The following NDRG1 variants were observed in gnomAD, a reference collection of about 807,000 sequenced individuals.
NDRG1 encodes the protein N-myc downstream regulated 1.
In NDRG1, 32 loss-of-function variants were observed where a neutral mutation model predicts 56.9. The ratio of observed to expected loss-of-function variants is 0.56; its 90% CI spans 0.42 to 0.76. The LOEUF is 0.76. Among genes scored for constraint, NDRG1 ranks in the 30% least tolerant of loss-of-function variants. The probability of loss-of-function intolerance (pLI) is 0.00; values close to 1 mark genes in which losing one functional copy is unlikely to be tolerated. For missense variants in NDRG1, 507 were observed against 545.7 expected, an observed-to-expected ratio of 0.93 and a Z score of 0.71; for synonymous variants, 211 against 204.1, an observed-to-expected ratio of 1.03 and a Z score of -0.29.
chr8:133,239,271 C>G (rs1855249816), intron 15 of NDRG1, 152 bp from the exon 16 acceptor site: 8 of 1,231,012 alleles, frequency 6.5e-6, no homozygotes, highest in African/African-American at 1.5e-5. Context: ...CCCGTCCTCT[C>G]CATGTCCACT....
At chr8:133,273,575 C>T (rs565111781) in intron 3 of NDRG1, among the ~76,000 whole-genome samples, 4 of 152,294 alleles carry the variant, frequency 2.6e-5, no homozygotes, top group African/African-American at 4.8e-5. Context: ...CGGTTTCTGA[C>T]GTACAGCAGA....
At chr8:133,281,962 G>A (rs1857832019) in intron 2 of NDRG1, among the ~76,000 whole-genome samples, 2 of 152,136 alleles carry the variant, frequency 1.3e-5, no homozygotes, top group South Asian at 4.1e-4. Context: ...CTAGATTGAG[G>A]ACAGACACAA....
At chr8:133,244,562 G>A in intron 13 of NDRG1, 172 bp from the exon 14 acceptor site, 1 of 733,068 alleles carries the variant, frequency 1.4e-6, no homozygotes, top group Non-Finnish European at 2.4e-6. Context: ...GCCCCACCAG[G>A]CAAGGCTGCT....
At chr8:133,288,425 TCTC>T (rs1474035860) in intron 1 of NDRG1, 4 of 152,204 alleles carry the variant, frequency 2.6e-5, no homozygotes, top group Non-Finnish European at 5.9e-5. Context: ...GTGTCTGTGA[TCTC>T]CTTCTGCCAG....
rs1855112922 is a variant in NDRG1, at chr8:133,237,400, A to T, written c.*1478T>A. The T allele has an allele frequency of 4.3e-6, 1 of 232,174 alleles. No homozygotes were observed. Among genetic ancestry groups the T allele is most frequent in the African/African-American group, 2.2e-5 (1 of 45,266 alleles). 14.4% of individuals were successfully genotyped at this position (232,174 alleles called of 1,614,324 possible). ...GAAGGCTGGACTACTTCCTCCTCCCAACTGCGGGGTCCCAGAAATCCTCGG... is the reference window on the plus strand; with the variant it reads ...GAAGGCTGGACTACTTCCTCCTCCCTACTGCGGGGTCCCAGAAATCCTCGG... On this transcript the variant is annotated 3_prime_UTR_variant, in exon 16 of 16. Transcript: ENST00000323851.
intron 15 of NDRG1, 131 bp downstream of exon 15, chr8:133,241,891 AC>A: frequency 9.7e-7 from 1 of 1,036,012 alleles, no homozygotes; most frequent in South Asian, 1.3e-5. Context: ...CACACACCTA[AC>A]TGTTTCCTCC....
chr8:133,260,639 T>A (rs1317833302), intron 5 of NDRG1, among the ~76,000 whole-genome samples: 2 of 152,244 alleles, frequency 1.3e-5, no homozygotes, highest in African/African-American at 2.4e-5. Flanking sequence ...CTTTATCTGC[T>A]GGTTAACAAT....
intron 1 of NDRG1, among the ~76,000 whole-genome samples, chr8:133,295,552 C>T (rs1341602602): frequency 3.9e-5 from 6 of 152,254 alleles, no homozygotes; most frequent in African/African-American, 9.6e-5. Flanking sequence ...GAAGGCAGCC[C>T]TTCCAAGAAA....
At chr8:133,273,491 T>C (rs1586468934) in intron 3 of NDRG1, among the ~76,000 whole-genome samples, 1 of 147,556 alleles carries the variant, frequency 6.8e-6, no homozygotes, top group East Asian at 1.9e-4. Flanking sequence ...ATGGCAAGGA[T>C]AGATGGCAAG....
At chr8:133,242,825 C>T (rs1855460888) in intron 14 of NDRG1, among the ~76,000 whole-genome samples, 1 of 151,952 alleles carries the variant, frequency 6.6e-6, no homozygotes, top group African/African-American at 2.4e-5. Context: ...AAAAGAAGGA[C>T]AAATAAAAGG....
intron 1 of NDRG1, among the ~76,000 whole-genome samples, chr8:133,291,068 G>A (rs1450606693): frequency 1.3e-5 from 2 of 152,100 alleles, no homozygotes; most frequent in African/African-American, 2.4e-5. Context: ...CCTCGGGGGA[G>A]GGCGGACAAC....
chr8:133,244,173 C>T (rs966661347), intron 14 of NDRG1, among the ~76,000 whole-genome samples, 182 bp downstream of exon 14: 7 of 152,214 alleles, frequency 4.6e-5, no homozygotes, highest in Non-Finnish European at 1.0e-4. Flanking sequence ...GTATCACCTA[C>T]TCCACAGGGG....
intron 3 of NDRG1, among the ~76,000 whole-genome samples, chr8:133,273,529 G>A (rs1047249548): frequency 6.6e-6 from 1 of 152,222 alleles, no homozygotes; most frequent in Non-Finnish European, 1.5e-5. Context: ...GGTTTCATGA[G>A]GATCACATGA....
chr8:133,261,337 G>A (rs1020819297), intron 5 of NDRG1, among the ~76,000 whole-genome samples: 1 of 152,080 alleles, frequency 6.6e-6, no homozygotes, highest in Non-Finnish European at 1.5e-5. Context: ...TCACCATGTT[G>A]GCCAGGCTGG....
intron 1 of NDRG1, among the ~76,000 whole-genome samples, chr8:133,290,731 T>C (rs1054247786): frequency 6.6e-6 from 1 of 152,176 alleles, no homozygotes; most frequent in East Asian, 1.9e-4. Flanking sequence ...GCTTGAGCTT[T>C]TGGCAAAACC....
chr8:133,265,374 T>C (rs968645744), intron 3 of NDRG1, among the ~76,000 whole-genome samples: 11 of 152,158 alleles, frequency 7.2e-5, no homozygotes, highest in African/African-American at 2.7e-4. Flanking sequence ...AGGGCCTGCC[T>C]GAAAGTATGG....
rs954177065 is a variant in NDRG1, at chr8:133,238,475, C to G, written c.*403G>C. On this transcript the variant is annotated 3_prime_UTR_variant, in exon 16 of 16. Coordinates refer to ENST00000323851, the MANE Select transcript of NDRG1 (RefSeq NM_006096.4). Reference sequence around the variant, plus strand: ...AGCTTCTCCTCAGTTAAAGAGGAAACGGGAAGTGGGCGGCTGGCCTTCTGA... The same window carrying G: ...AGCTTCTCCTCAGTTAAAGAGGAAAGGGGAAGTGGGCGGCTGGCCTTCTGA... 1.1e-5 allele frequency: 3 copies of G among 275,852 alleles called. No homozygotes were observed. The highest frequency in any genetic ancestry group is 2.1e-5 in the Non-Finnish European group (3 of 145,982). 17.1% of individuals were successfully genotyped at this position (275,852 alleles called of 1,614,324 possible).
At chr8:133,252,711 T>C (rs1432321476) in intron 9 of NDRG1, among the ~76,000 whole-genome samples, 1 of 151,486 alleles carries the variant, frequency 6.6e-6, no homozygotes, top group Admixed American at 6.6e-5. Flanking sequence ...GGGGCCTCTA[T>C]TCCCCTCGTA....
At position 133,239,064 on chromosome 8, in the gene NDRG1, G is replaced by A. The variant is rs201505193; in HGVS notation, c.999C>T (p.Ser333=). 2.8e-5 allele frequency: 45 copies of A among 1,586,456 alleles called. No individual in the cohort carries two copies. Among genetic ancestry groups the A allele is most frequent in the East Asian group, 1.4e-4 (6 of 43,812 alleles). Residue 333 remains serine, a synonymous_variant, in exon 16 of 16, where the codon AGC becomes AGT. Transcript: ENST00000323851. ...LMRSRTASGS[S]VTSLDGTRSR... The stretch of plus-strand genomic sequence containing the variant: ...TGCGGGTGCCATCCAGAGAAGTGAC[G>A]CTGGAACCAGAGGCTGTGCGGGACC...
Sources: allele counts gnomAD v4.1 joint callset (sites outside exome capture counted in the v4.1 genomes callset), GRCh38; gene constraint gnomAD v4.1.1; transcripts MANE v1.5; gene names NCBI Gene and HGNC (gene_info 2026-07-23, HGNC 2026-07-21).